Variants in MAP3K4 observed in about 807,000 individuals in gnomAD.
MAP3K4 encodes mitogen-activated protein kinase kinase kinase 4.
Under a neutral mutation model 185.6 loss-of-function variants are expected in MAP3K4, and 67 were observed. The observed-to-expected ratio is 0.36, with a 90% confidence interval of 0.30 to 0.44. MAP3K4 has a LOEUF of 0.44. Ranked by LOEUF, MAP3K4 falls within the 20% of genes least tolerant of loss-of-function variation. The pLI is 1.00. For missense variants in MAP3K4, 1,551 were observed against 1,995.1 expected, an observed-to-expected ratio of 0.78 and a Z score of 4.24; for synonymous variants, 702 against 710.4, an observed-to-expected ratio of 0.99 and a Z score of 0.19.
Position 161,098,398 on chromosome 6 carries a change from C to T in MAP3K4, c.3645C>T (p.Pro1215=). Residue 1215 remains proline (P), a synonymous_variant, in exon 17 of 27, where the codon CCC becomes CCT. Coordinates refer to ENST00000392142, the MANE Select transcript of MAP3K4 (RefSeq NM_005922.4). This position sits in a 1 kb window ranked among gnomAD's most constrained non-coding sequence, Gnocchi z 4.4. ...CCTCTGGTGGTGACTCTGTGCTGCC[C>T]AAATCCATCAGCAGTGCCCATGATA... The part of the protein sequence containing the change: ...PSPSGGDSVL[P]KSISSAHDTR... The T allele has an allele frequency of 6.2e-7, 1 of 1,613,876 alleles. No individual in the cohort carries two copies. The highest frequency in any genetic ancestry group is 2.2e-5 in the East Asian group (1 of 44,856).
Position 161,070,900 on chromosome 6 carries a change from A to G in MAP3K4, c.1950+50A>G. 1 of 1,460,808 alleles carries G rather than the reference A, an allele frequency of 6.8e-7. No individual in the cohort carries two copies. The allele number at this position is 1,460,808 out of a possible 1,614,324, so 90.5% of individuals were successfully genotyped here. On this transcript the variant is annotated intron_variant, in intron 4 of 26. Coordinates refer to ENST00000392142, the MANE Select transcript of MAP3K4 (RefSeq NM_005922.4). This position sits in a 1 kb window ranked among gnomAD's most constrained non-coding sequence, Gnocchi z 4.5. ...TATTTAGCAATTATTATATTATCCT[A>G]CAGGCTTATCATTTTTATTTTGAGA...
At position 161,065,104 on chromosome 6, in the gene MAP3K4, C is replaced by T. The variant is rs145156119; in HGVS notation, c.1708-5504C>T. Among the ~76,000 whole-genome samples, 553 of 152,176 alleles carry T rather than the reference C, an allele frequency of 3.6e-3. 6 individuals carry two copies. The highest frequency in any genetic ancestry group is 0.012 in the African/African-American group (517 of 41,528). ...GTGTAGCTGTCCATAGGGAGGTGGT[C>T]ACTAGGAGGAAGTTGTATAAGGCAG... is the stretch of plus-strand genomic sequence containing the variant. On this transcript the variant is annotated intron_variant, in intron 3 of 26. Coordinates refer to ENST00000392142, the MANE Select transcript of MAP3K4 (RefSeq NM_005922.4).
In MAP3K4 at chr6:161,067,794, C is replaced by G. The variant is rs1192201949; in HGVS notation, c.1708-2814C>G. On this transcript the variant is annotated intron_variant, in intron 3 of 26. Transcript: ENST00000392142. This position sits in a 1 kb window ranked among gnomAD's most constrained non-coding sequence, Gnocchi z 6.3. ...TGGTAATTTTATACTAAGAAGAAGG[C>G]ATATCCTCGTTTCTGTCATTAAGTG... 4.6e-5 allele frequency among the ~76,000 whole-genome samples: 7 copies of G among 152,174 alleles called. No individual in the cohort carries two copies. The highest frequency in any genetic ancestry group is 2.4e-5 in the African/African-American group (1 of 41,448).
Position 161,110,709 on chromosome 6 carries a change from G to T in MAP3K4, c.4396+795G>T, listed in dbSNP as rs1050206236. On this transcript the variant is annotated intron_variant, in intron 23 of 26. Coordinates refer to ENST00000392142, the MANE Select transcript of MAP3K4 (RefSeq NM_005922.4). The surrounding 1 kb of genome is among the most constrained non-coding windows in gnomAD (Gnocchi z 4.8). ...TTTTGGATTACACCAGTCTGCTTTG[G>T]TCTGGGTGTAAGCATTGTTCGTGCT... Among the ~76,000 whole-genome samples, 2 of 152,130 alleles carry T rather than the reference G, an allele frequency of 1.3e-5. No individual in the cohort carries two copies. Among genetic ancestry groups the T allele is most frequent in the African/African-American group, 4.8e-5 (2 of 41,424 alleles).
rs1478864626 is a variant in MAP3K4 at position 161,110,518 on chromosome 6, T to C, written c.4396+604T>C. 6.6e-6 allele frequency among the ~76,000 whole-genome samples: 1 copy of C among 152,346 alleles called. No homozygotes were observed. Among genetic ancestry groups the C allele is most frequent in the African/African-American group, 2.4e-5 (1 of 41,586 alleles). Reference sequence around the variant, plus strand: ...AACCACGCCATGCCCCTGACCTTTGTATTTGCAAGTCTTGAGGATAATTAA... The same window carrying C: ...AACCACGCCATGCCCCTGACCTTTGCATTTGCAAGTCTTGAGGATAATTAA... On this transcript the variant is annotated intron_variant, in intron 23 of 26. Transcript: ENST00000392142. This position sits in a 1 kb window ranked among gnomAD's most constrained non-coding sequence, Gnocchi z 4.8.
chr6:161,033,144 A>G (rs1783008298), intron 1 of MAP3K4, among the ~76,000 whole-genome samples: 2 of 152,168 alleles, frequency 1.3e-5, no homozygotes. Flanking sequence ...CTTTGATTTT[A>G]TATCAAGATA....
intron 2 of MAP3K4, among the ~76,000 whole-genome samples, chr6:161,041,924 TTC>T (rs1491083258): frequency 0.024 from 1,457 of 61,712 alleles, 230 homozygotes; most frequent in African/African-American, 0.056. Context: ...TTTTTTTTTT[TTC>T]TTTTTTTTTT....
Position 160,996,075 on chromosome 6 carries a change from G to C in MAP3K4, c.152+3992G>C. On this transcript the variant is annotated intron_variant, in intron 1 of 26. Transcript: ENST00000392142. This position sits in a 1 kb window ranked among gnomAD's most constrained non-coding sequence, Gnocchi z 4.5. The stretch of plus-strand genomic sequence containing the variant: ...TCCTAGGCAATTTGCTCTGCCTCTC[G>C]GCTTGAATGTCCACCTTGAGCCTGT... 6.6e-6 allele frequency among the ~76,000 whole-genome samples: 1 copy of C among 152,102 alleles called. No individual in the cohort carries two copies. The highest frequency in any genetic ancestry group is 1.9e-4 in the East Asian group (1 of 5,176).
At chr6:161,102,125 A>G (rs1240426879) in intron 18 of MAP3K4, 133 bp downstream of exon 18, 1 of 668,480 alleles carries the variant, frequency 1.5e-6, no homozygotes, top group African/African-American at 1.8e-5. Context: ...AAAGGAATGA[A>G]GAGTAAGAAG....
In MAP3K4 at chr6:161,049,592, G is replaced by A. The variant is rs545938390; in HGVS notation, c.1320G>A (p.Pro440=). 2.3e-5 allele frequency: 37 copies of A among 1,614,158 alleles called. No homozygotes were observed. The highest frequency in any genetic ancestry group is 2.0e-4 in the East Asian group (9 of 44,886). ...CTCGACCATCCAAAGGTAATGAGCC[G>A]GAGTATGAGGGTGATGACACAGAAG... ...PSPRPSKGNE[P]EYEGDDTEGE... The change falls in exon 3 of 27, where the codon CCG becomes CCA. Residue 440 remains proline (P), a synonymous_variant. Coordinates refer to ENST00000392142, the MANE Select transcript of MAP3K4 (RefSeq NM_005922.4). This position sits in a 1 kb window ranked among gnomAD's most constrained non-coding sequence, Gnocchi z 8.4.
rs1213692608 is a variant in MAP3K4, at chr6:161,063,503, C to G, written c.1708-7105C>G. On this transcript the variant is annotated intron_variant, in intron 3 of 26. Coordinates refer to ENST00000392142, the MANE Select transcript of MAP3K4 (RefSeq NM_005922.4). This position sits in a 1 kb window ranked among gnomAD's most constrained non-coding sequence, Gnocchi z 5.4. ...TGTTTGGGATTGGGGCTCTGAGTAC[C>G]TTCTTCTCAAGTTTCAAACCATCTT... Among the ~76,000 whole-genome samples, 1 of 152,058 alleles carries G rather than the reference C, an allele frequency of 6.6e-6. No individual in the cohort carries two copies. Among genetic ancestry groups the G allele is most frequent in the African/African-American group, 2.4e-5 (1 of 41,380 alleles).
In MAP3K4 at chr6:161,084,341, T is replaced by G. The variant is rs1442776328; in HGVS notation, c.2256-160T>G. 6.6e-6 allele frequency among the ~76,000 whole-genome samples: 1 copy of G among 152,230 alleles called. No homozygotes were observed. The highest frequency in any genetic ancestry group is 1.5e-5 in the Non-Finnish European group (1 of 68,038). ...ATGTCATAATCCAGATTCCTATTTT[T>G]CCACGTCCAGGGTTTTATATTAAAA... On this transcript the variant is annotated intron_variant, in intron 6 of 26. Transcript: ENST00000392142. The surrounding 1 kb of genome is among the most constrained non-coding windows in gnomAD (Gnocchi z 4.6).
rs1282760275 is a variant in MAP3K4 at position 161,037,988 on chromosome 6, T to C, written c.343+3539T>C. On this transcript the variant is annotated intron_variant, in intron 2 of 26. Transcript: ENST00000392142. This position sits in a 1 kb window ranked among gnomAD's most constrained non-coding sequence, Gnocchi z 4.2. ...GCTAGTACATTTTTTTTGTTACTGT[T>C]GCTGTTGCCTGTCTTTCCTTCCTTC... 6.6e-6 allele frequency among the ~76,000 whole-genome samples: 1 copy of C among 152,204 alleles called. No homozygotes were observed. The highest frequency in any genetic ancestry group is 1.5e-5 in the Non-Finnish European group (1 of 68,040).
At chr6:161,050,417 A>G (rs1180507157) in intron 3 of MAP3K4, among the ~76,000 whole-genome samples, 2 of 152,230 alleles carry the variant, frequency 1.3e-5, no homozygotes, top group African/African-American at 4.8e-5. Context: ...TCTTTTGATT[A>G]GCATGTCAAG....
At chr6:161,032,102 G>T (rs1368411661) in intron 1 of MAP3K4, among the ~76,000 whole-genome samples, 1 of 152,132 alleles carries the variant, frequency 6.6e-6, no homozygotes, top group African/African-American at 2.4e-5. Flanking sequence ...GGACAGTCCT[G>T]GAGATTCAAA....
At position 161,080,777 on chromosome 6, in the gene MAP3K4, C is replaced by A; in HGVS notation, c.2098-104C>A. 1 of 992,650 alleles carries A rather than the reference C, an allele frequency of 1.0e-6. No individual in the cohort carries two copies. Among genetic ancestry groups the A allele is most frequent in the Admixed American group, 2.2e-5 (1 of 46,342 alleles). The allele number at this position is 992,650 out of a possible 1,614,324, so 61.5% of individuals were successfully genotyped here. The stretch of plus-strand genomic sequence containing the variant: ...GGTGCTGCGTGCCTGTGACAGCCCC[C>A]GGCCCGCCCCCACTTTACCCTGCTG... On this transcript the variant is annotated intron_variant, in intron 5 of 26. Transcript: ENST00000392142. The surrounding 1 kb of genome is among the most constrained non-coding windows in gnomAD (Gnocchi z 4.8).
At chr6:161,031,360 A>T (rs1020991721) in intron 1 of MAP3K4, among the ~76,000 whole-genome samples, 1 of 152,246 alleles carries the variant, frequency 6.6e-6, no homozygotes, top group Non-Finnish European at 1.5e-5. Flanking sequence ...CAACACAAAT[A>T]TTCTTCTGGG....
At chr6:161,058,875 T>A (rs575721772) in intron 3 of MAP3K4, among the ~76,000 whole-genome samples, 3 of 152,166 alleles carry the variant, frequency 2.0e-5, no homozygotes, top group Non-Finnish European at 2.9e-5. Context: ...GAAATGTAAT[T>A]TTTTTGCTTG....
intron 6 of MAP3K4, 65 bp downstream of exon 6, chr6:161,081,103 T>C: frequency 6.6e-7 from 1 of 1,525,488 alleles, no homozygotes; most frequent in Non-Finnish European, 9.0e-7. Flanking sequence ...ATTTACTCAC[T>C]GATTCTCTCC....
Sources: allele counts gnomAD v4.1 joint callset (sites outside exome capture counted in the v4.1 genomes callset), GRCh38; gene constraint gnomAD v4.1.1; non-coding constraint Gnocchi (gnomAD v3.1); transcripts MANE v1.5; gene names NCBI Gene and HGNC (gene_info 2026-07-23, HGNC 2026-07-21).